Variants in SCYL1 observed in about 807,000 individuals in gnomAD.
The protein encoded by SCYL1 is N-terminal kinase-like protein.
A neutral mutation model predicts 94.8 loss-of-function variants in SCYL1; 85 were observed. The observed-to-expected ratio is 0.90, with a 90% confidence interval of 0.75 to 1.07. SCYL1 has a LOEUF of 1.07. Ranked by LOEUF, SCYL1 falls within the 50% of genes least tolerant of loss-of-function variation. The pLI is 0.00. For synonymous variants in SCYL1, 459 were observed against 435.5 expected (o/e 1.05, Z -0.67); for missense variants, 968 against 1,083.3 (o/e 0.89, Z 1.49).
chr11:65,527,119 T>TGA lies in SCYL1; in HGVS notation c.849+4_849+5dup. ...AACCTCTTCCTGGAGGAGATTCAGG[T>TGA]GAGCCCCCAACCCACCCTGGGCTTC... is the stretch of plus-strand genomic sequence containing the variant. On this transcript the variant is annotated splice_region_variant and intron_variant, in intron 6 of 17. Transcript: ENST00000270176. 1 of 1,612,280 alleles carries TGA rather than the reference T, an allele frequency of 6.2e-7. No individual in the cohort carries two copies. Among genetic ancestry groups the TGA allele is most frequent in the Non-Finnish European group, 8.5e-7 (1 of 1,178,924 alleles).
In SCYL1 at chr11:65,528,008, G is replaced by A. The variant is rs534394834; in HGVS notation, c.849+891G>A. On this transcript the variant is annotated intron_variant, in intron 6 of 17. Coordinates refer to ENST00000270176, the MANE Select transcript of SCYL1 (RefSeq NM_020680.4). ...CCCCAGGGGTGTAACACCCTGTACT[G>A]GCTGCAGGGGGGTGGGCAGCACGGT... Among the ~76,000 whole-genome samples, 5 of 152,318 alleles carry A rather than the reference G, an allele frequency of 3.3e-5. No individual in the cohort carries two copies. In the East Asian group the frequency reaches 9.6e-4, roughly 29 times the overall value.
At chr11:65,533,586 C>G (rs1238178629) in intron 9 of SCYL1, among the ~76,000 whole-genome samples, 1 of 151,144 alleles carries the variant, frequency 6.6e-6, no homozygotes, top group Non-Finnish European at 1.5e-5. Flanking sequence ...GGAGACCAGC[C>G]TGGTCATCAT....
rs1465432935 is a variant in SCYL1, at chr11:65,536,046, A to G, written c.1480A>G (p.Thr494Ala). ...RVAGVLGFAA[T>A]HNLYSMNDCA... ...TGCGGGTGTCCTGGGCTTTGCTGCC[A>G]CCCACAACCTCTACTCAATGAACGA... is the stretch of plus-strand genomic sequence containing the variant. Residue 494 changes from threonine to alanine, a missense_variant, in exon 11 of 18, where the codon ACC becomes GCC. Thr to Ala is a moderately conservative substitution (Grantham distance 58). Transcript: ENST00000270176. 1 of 1,614,062 alleles carries G rather than the reference A, an allele frequency of 6.2e-7. No individual in the cohort carries two copies. Among genetic ancestry groups the G allele is most frequent in the Non-Finnish European group, 8.5e-7 (1 of 1,179,984 alleles).
At chr11:65,536,431 G>A (rs968028891) in intron 12 of SCYL1, 97 bp downstream of exon 12, 1 of 1,453,244 alleles carries the variant, frequency 6.9e-7, no homozygotes, top group Non-Finnish European at 9.5e-7. Context: ...AAAGGTCCTA[G>A]TGAGCAGACT....
In SCYL1 at chr11:65,538,570, G is replaced by A. The variant is rs759489579; in HGVS notation, c.*4G>A. ...GGGAGCCCGGAAGCTGGACTGAACC[G>A]TGGCGGTGGCCCTTCCCGGCTGCGG... On this transcript the variant is annotated 3_prime_UTR_variant, in exon 18 of 18. Coordinates refer to ENST00000270176, the MANE Select transcript of SCYL1 (RefSeq NM_020680.4). 7 of 1,608,848 alleles carry A rather than the reference G, an allele frequency of 4.4e-6. No homozygotes were observed. Among genetic ancestry groups the A allele is most frequent in the East Asian group, 4.5e-5 (2 of 44,736 alleles).
rs748711760 is a variant in SCYL1 at position 65,538,123 on chromosome 11, C to G, written c.2188C>G (p.Pro730Ala). 1.2e-6 allele frequency: 2 copies of G among 1,603,120 alleles called. No individual in the cohort carries two copies. Among genetic ancestry groups the G allele is most frequent in the South Asian group, 2.2e-5 (2 of 89,208 alleles). ...RLASEYNWGGPESSDKGDPFA... is the reference protein window; with the variant it reads ...RLASEYNWGGAESSDKGDPFA... ...GGCCAGCGAGTATAACTGGGGTGGC[C>G]CAGAGTCCAGCGACAAGGGCGACCC... Residue 730 changes from proline (P) to alanine (A), a missense_variant, in exon 16 of 18, where the codon CCA (proline) becomes GCA (alanine). By Grantham distance (27) the Pro-to-Ala change is conservative (BLOSUM62 -1). This residue lies in a region of SCYL1 where 474 missense variants were observed against 463.6 expected (regional missense o/e 1.02). Transcript: ENST00000270176.
In SCYL1 at chr11:65,530,852, T is replaced by G. The variant is rs1009245575; in HGVS notation, c.1008+65T>G. The stretch of plus-strand genomic sequence containing the variant: ...ACAGGAACTGCCAAAGAGAAGGCCC[T>G]GGGGTAGGGCAGGCTGTTTAGGGCA... On this transcript the variant is annotated intron_variant, in intron 7 of 17. Transcript: ENST00000270176. The G allele has an allele frequency of 1.8e-5, 27 of 1,538,356 alleles. No individual in the cohort carries two copies. In the South Asian group the frequency reaches 3.2e-4, roughly 18 times the overall value.
rs773144330 is a variant in SCYL1 at position 65,526,809 on chromosome 11, G to T, written c.629G>T (p.Cys210Phe). The T allele has an allele frequency of 6.2e-7, 1 of 1,613,082 alleles. No homozygotes were observed. The highest frequency in any genetic ancestry group is 8.5e-7 in the Non-Finnish European group (1 of 1,179,928). ...TCAGCAGACATGTGGCGCTTGGGCT[G>T]CCTCATTTGGGAAGTCTTCAATGGG... is the stretch of plus-strand genomic sequence containing the variant. Reference protein sequence around the residue: ...KWSADMWRLGCLIWEVFNGPL... With the variant: ...KWSADMWRLGFLIWEVFNGPL... Residue 210 changes from cysteine to phenylalanine, a missense_variant, in exon 5 of 18, where the codon TGC (cysteine) becomes TTC (phenylalanine). This residue lies in a region of SCYL1 where 494 missense variants were observed against 619.7 expected (regional missense o/e 0.80). Coordinates refer to ENST00000270176, the MANE Select transcript of SCYL1 (RefSeq NM_020680.4). The surrounding 1 kb of genome is among the most constrained non-coding windows in gnomAD (Gnocchi z 4.1).
intron 2 of SCYL1, 46 bp downstream of exon 2, chr11:65,525,760 G>A (rs751033388): frequency 4.4e-6 from 7 of 1,606,590 alleles, no homozygotes; most frequent in Non-Finnish European, 6.0e-6. Context: ...ACGATGTCCT[G>A]GTTACCCACT....
chr11:65,533,739 C>T (rs971381814), intron 9 of SCYL1, among the ~76,000 whole-genome samples: 2 of 152,078 alleles, frequency 1.3e-5, no homozygotes, highest in African/African-American at 4.8e-5. Flanking sequence ...GTGATCGTGA[C>T]ACTGCATTCC....
Position 65,535,493 on chromosome 11 carries a change from C to G in SCYL1, c.1386+111C>G, listed in dbSNP as rs943550537. 5.1e-6 allele frequency: 7 copies of G among 1,378,096 alleles called. No homozygotes were observed. In the Admixed American group the frequency reaches 1.0e-4, roughly 20 times the overall value. The allele number at this position is 1,378,096 out of a possible 1,614,324, so 85.4% of individuals were successfully genotyped here. On this transcript the variant is annotated intron_variant, in intron 10 of 17. Coordinates refer to ENST00000270176, the MANE Select transcript of SCYL1 (RefSeq NM_020680.4). ...CCTTCATTCTCCCAGAGACTTAGAC[C>G]CTGCACGCTGTTGGCCCCATATCTG...
chr11:65,538,379 C>T (rs1324191763), intron 17 of SCYL1, 55 bp downstream of exon 17: 2 of 1,540,232 alleles, frequency 1.3e-6, no homozygotes, highest in Non-Finnish European at 8.8e-7. Context: ...TAGCCCGCCC[C>T]TACAGGCCCC....
chr11:65,537,016 C>T lies in SCYL1; in HGVS notation c.1847C>T (p.Pro616Leu), dbSNP rs769695050. 1 of 1,613,478 alleles carries T rather than the reference C, an allele frequency of 6.2e-7. No individual in the cohort carries two copies. The highest frequency in any genetic ancestry group is 8.5e-7 in the Non-Finnish European group (1 of 1,179,432). The change falls in exon 14 of 18, where the codon CCT becomes CTT. Residue 616 changes from proline to leucine, a missense_variant. By Grantham distance (98) the Pro-to-Leu change is moderately conservative (BLOSUM62 -3). Transcript: ENST00000270176. ...GVPAPAPTPV[P>L]ATPTTSGHWE... ...CCTGCCCCAGCCCCCACCCCTGTTC[C>T]TGCCACCCCTACAACCTCAGGCCAC...
rs140655309 is a variant in SCYL1, at chr11:65,533,548, G to A, written c.1230+743G>A. Among the ~76,000 whole-genome samples, 171 of 152,374 alleles carry A rather than the reference G, an allele frequency of 1.1e-3. 3 individuals carry two copies. Among genetic ancestry groups the A allele is most frequent in the African/African-American group, 3.9e-3 (162 of 41,588 alleles). On this transcript the variant is annotated intron_variant, in intron 9 of 17. Transcript: ENST00000270176. Reference sequence around the variant, plus strand: ...GATCCCAGCACTTTGGTAGGCCGAGGTGGGAGGATCGCTTGAGCCCAGGAG... The same window carrying A: ...GATCCCAGCACTTTGGTAGGCCGAGATGGGAGGATCGCTTGAGCCCAGGAG...
chr11:65,531,707 G>C (rs1855374326), intron 8 of SCYL1, 24 bp downstream of exon 8: 1 of 1,573,164 alleles, frequency 6.4e-7, no homozygotes. Flanking sequence ...ACCAGACTCT[G>C]TGGTGGTCCA....
Position 65,525,305 on chromosome 11 carries a change from C to G in SCYL1, c.111+41C>G, listed in dbSNP as rs1200473806. ...CTCCGTAGGCCGCGGTCGACCTGGGCCTTGCCTATTCCGCGCCGCCGACCC... is the reference window on the plus strand; with the variant it reads ...CTCCGTAGGCCGCGGTCGACCTGGGGCTTGCCTATTCCGCGCCGCCGACCC... On this transcript the variant is annotated intron_variant, in intron 1 of 17. Transcript: ENST00000270176. 5 of 1,340,174 alleles carry G rather than the reference C, an allele frequency of 3.7e-6. No homozygotes were observed. In the South Asian group the frequency reaches 7.8e-5, roughly 21 times the overall value. 83.0% of individuals were successfully genotyped at this position (1,340,174 alleles called of 1,614,324 possible). A position where few individuals can be genotyped will look rare whatever the true frequency, so the allele number is the denominator to read the frequency against.
chr11:65,536,359 C>G (rs748751863), intron 12 of SCYL1, 25 bp downstream of exon 12: 2 of 1,610,352 alleles, frequency 1.2e-6, no homozygotes, highest in Non-Finnish European at 1.7e-6. Context: ...CTCGTGTTCC[C>G]TCTTTCCCTG....
rs1855191137 is a variant in SCYL1 at position 65,528,271 on chromosome 11, T to C, written c.849+1154T>C. On this transcript the variant is annotated intron_variant, in intron 6 of 17. Transcript: ENST00000270176. ...CAGCTGACGACATGGAGAAACCCCA[T>C]CTCTACTAAAAGTACAAAAATTAGC... Among the ~76,000 whole-genome samples the C allele has an allele frequency of 2.0e-5, 3 of 151,110 alleles. No homozygotes were observed. The South Asian group carries it at 6.3e-4, about 32-fold the overall frequency.
At chr11:65,535,087 A>G in intron 9 of SCYL1, 140 bp from the exon 10 acceptor site, 1 of 1,046,802 alleles carries the variant, frequency 9.6e-7, no homozygotes, top group Non-Finnish European at 1.4e-6. Context: ...AACATGCTGG[A>G]CAGGGCCAGG....
Sources: allele counts gnomAD v4.1 joint callset (sites outside exome capture counted in the v4.1 genomes callset), GRCh38; gene constraint gnomAD v4.1.1; regional missense constraint gnomAD v4.1.1; non-coding constraint Gnocchi (gnomAD v3.1); transcripts MANE v1.5; gene names NCBI Gene and HGNC (gene_info 2026-07-23, HGNC 2026-07-21).